TUBA3C: variants seen among roughly 807,000 people sequenced by gnomAD.
The protein encoded by TUBA3C is tubulin alpha 3c, also known as tubulin alpha-3C chain.
Under a neutral mutation model 33.4 loss-of-function variants are expected in TUBA3C, and 23 were observed. That is an observed-to-expected ratio of 0.69 (90% CI 0.50 to 0.98). The LOEUF (loss-of-function observed/expected upper bound fraction) is 0.98. Ranked by LOEUF, TUBA3C falls within the 50% of genes least tolerant of loss-of-function variation. The pLI, the probability that TUBA3C is intolerant of heterozygous loss-of-function variation, is 0.00. For synonymous variants in TUBA3C, 269 were observed against 250.4 expected (o/e 1.07, Z -0.70); for missense variants, 402 against 616.0 (o/e 0.65, Z 3.68).
chr13:19,181,647 G>C, intron 1 of TUBA3C, 98 bp downstream of exon 1: 1 of 1,556,494 alleles, frequency 6.4e-7, no homozygotes, highest in Non-Finnish European at 8.7e-7. Flanking sequence ...TCTGCACCCT[G>C]GCCCGCAACA....
At chr13:19,178,423 T>C (rs1289087958) in intron 2 of TUBA3C, 29 bp from the exon 3 acceptor site, 2 of 1,613,146 alleles carry the variant, frequency 1.2e-6, no homozygotes. Context: ...GTACTGTGAA[T>C]CTTTAAGGCC....
intron 2 of TUBA3C, 116 bp from the exon 3 acceptor site, chr13:19,178,510 A>G (rs965513736): frequency 1.4e-5 from 19 of 1,404,296 alleles, no homozygotes; most frequent in Non-Finnish European, 1.8e-5. Context: ...CATGACCTAC[A>G]TGTTGTAGGT....
intron 4 of TUBA3C, among the ~76,000 whole-genome samples, chr13:19,176,224 G>C (rs1224848719): frequency 1.3e-5 from 2 of 152,132 alleles, no homozygotes; most frequent in African/African-American, 2.4e-5. Context: ...TTTGAGACCA[G>C]CTTGGCCAAC....
At position 19,179,323 on chromosome 13, in the gene TUBA3C, C is replaced by A. The variant is rs1869312607; in HGVS notation, c.226+18G>T. ...CCACCCTCCTAAGAAAGCTGCCATC[C>A]AGGACCCGAGCACCTACCGACCACA... On this transcript the variant is annotated intron_variant, in intron 2 of 4. Transcript: ENST00000400113. 1 of 1,613,520 alleles carries A rather than the reference C, an allele frequency of 6.2e-7. No homozygotes were observed. Among genetic ancestry groups the A allele is most frequent in the Non-Finnish European group, 8.5e-7 (1 of 1,179,518 alleles).
rs748370652 is a variant in TUBA3C, at chr13:19,179,326, G to A, written c.226+15C>T. The A allele has an allele frequency of 6.2e-7, 1 of 1,613,606 alleles. No individual in the cohort carries two copies. The highest frequency in any genetic ancestry group is 2.2e-5 in the East Asian group (1 of 44,862). ...CCCTCCTAAGAAAGCTGCCATCCAGGACCCGAGCACCTACCGACCACAGTG... is the reference window on the plus strand; with the variant it reads ...CCCTCCTAAGAAAGCTGCCATCCAGAACCCGAGCACCTACCGACCACAGTG... On this transcript the variant is annotated intron_variant, in intron 2 of 4. Transcript: ENST00000400113.
intron 4 of TUBA3C, among the ~76,000 whole-genome samples, chr13:19,175,582 G>T (rs1227067553): frequency 6.6e-6 from 1 of 152,162 alleles, no homozygotes; most frequent in Non-Finnish European, 1.5e-5. Context: ...TCCTTCAGGG[G>T]TTAGCACAGC....
intron 4 of TUBA3C, among the ~76,000 whole-genome samples, chr13:19,175,064 T>C (rs867777390): frequency 3.9e-5 from 6 of 152,010 alleles, no homozygotes; most frequent in African/African-American, 1.4e-4. Context: ...CTAGCTAACA[T>C]GGTGAAACCC....
intron 4 of TUBA3C, among the ~76,000 whole-genome samples, chr13:19,176,426 A>T (rs1869180491): frequency 6.6e-6 from 1 of 151,926 alleles, no homozygotes. Flanking sequence ...AGCTCATCAC[A>T]GATACATAGT....
intron 4 of TUBA3C, 118 bp downstream of exon 4, chr13:19,176,809 G>T: frequency 1.9e-6 from 2 of 1,029,916 alleles, no homozygotes; most frequent in Non-Finnish European, 2.7e-6. Context: ...ATGCCCACAT[G>T]CCTAGCCCAT....
chr13:19,174,242 C>A (rs905311228), intron 4 of TUBA3C, 83 bp from the exon 5 acceptor site: 19 of 1,504,548 alleles, frequency 1.3e-5, no homozygotes, highest in Non-Finnish European at 1.6e-5. Flanking sequence ...AAAGAAGACA[C>A]CCTGTAGGTG....
At chr13:19,176,303 C>T (rs201946140) in intron 4 of TUBA3C, among the ~76,000 whole-genome samples, 4 of 151,922 alleles carry the variant, frequency 2.6e-5, no homozygotes, top group African/African-American at 9.7e-5. Flanking sequence ...GTGGTCCCAG[C>T]TACTCAGGAG....
intron 3 of TUBA3C, 60 bp downstream of exon 3, chr13:19,178,186 A>G: frequency 1.3e-6 from 2 of 1,595,120 alleles, no homozygotes; most frequent in Middle Eastern, 1.7e-4. Flanking sequence ...CCTCCCCTTC[A>G]CAATCTAAGA....
intron 4 of TUBA3C, among the ~76,000 whole-genome samples, chr13:19,174,605 T>A (rs1869118848): frequency 6.6e-6 from 1 of 152,072 alleles, no homozygotes; most frequent in Admixed American, 6.5e-5. Flanking sequence ...TACTATAAAC[T>A]GCTTCACAAC....
chr13:19,173,877 C>T lies in TUBA3C; in HGVS notation c.1339G>A (p.Gly447Ser), dbSNP rs1451980724. ...VDSVEAEAEE[G>S]EEY ...ACACCCTCCCCTCAGTATTCTTCACCTTCTTCAGCCTCGGCTTCCACGGAA... is the reference window on the plus strand; with the variant it reads ...ACACCCTCCCCTCAGTATTCTTCACTTTCTTCAGCCTCGGCTTCCACGGAA... The change falls in exon 5 of 5, where the codon GGT becomes AGT. Residue 447 changes from glycine (G) to serine (S), a missense_variant. Coordinates refer to ENST00000400113, the MANE Select transcript of TUBA3C (RefSeq NM_006001.3). 1 of 1,613,430 alleles carries T rather than the reference C, an allele frequency of 6.2e-7. No homozygotes were observed. The highest frequency in any genetic ancestry group is 8.5e-7 in the Non-Finnish European group (1 of 1,179,602).
chr13:19,177,118 C>A lies in TUBA3C; in HGVS notation c.865G>T (p.Ala289Ser). ...TCGAAGCAGGCATTGGTGATCTCAGCCACGGACAGCTGCTCGTGGTAGGCC... is the reference window on the plus strand; with the variant it reads ...TCGAAGCAGGCATTGGTGATCTCAGACACGGACAGCTGCTCGTGGTAGGCC... ...EKAYHEQLSVAEITNACFEPA... is the reference protein window; with the variant it reads ...EKAYHEQLSVSEITNACFEPA... The change falls in exon 4 of 5, where the codon GCT becomes TCT. Residue 289 changes from alanine to serine, a missense_variant. Ala to Ser is a moderately conservative substitution (Grantham distance 99). Coordinates refer to ENST00000400113, the MANE Select transcript of TUBA3C (RefSeq NM_006001.3). The surrounding 1 kb of genome is among the most constrained non-coding windows in gnomAD (Gnocchi z 5.0). The A allele has an allele frequency of 6.2e-7, 1 of 1,614,132 alleles. No individual in the cohort carries two copies. Among genetic ancestry groups the A allele is most frequent in the Non-Finnish European group, 8.5e-7 (1 of 1,180,036 alleles).
rs1486793465 is a variant in TUBA3C at position 19,178,291 on chromosome 13, G to T, written c.330C>A (p.Ile110=). Reference sequence around the variant, plus strand: ...GGACCAGGTCGACGATCTCCTTGCCGATGGTGTAATGGCCTCTGGCGTAAT... The same window carrying T: ...GGACCAGGTCGACGATCTCCTTGCCTATGGTGTAATGGCCTCTGGCGTAAT... ...ANNYARGHYT[I]GKEIVDLVLD... Residue 110 remains isoleucine (I), a synonymous_variant, in exon 3 of 5, where the codon ATC becomes ATA. Coordinates refer to ENST00000400113, the MANE Select transcript of TUBA3C (RefSeq NM_006001.3). The T allele has an allele frequency of 1.2e-6, 2 of 1,614,060 alleles. No homozygotes were observed. Among genetic ancestry groups the T allele is most frequent in the Non-Finnish European group, 8.5e-7 (1 of 1,180,036 alleles).
At chr13:19,178,479 A>G in intron 2 of TUBA3C, 85 bp from the exon 3 acceptor site, 1 of 1,551,404 alleles carries the variant, frequency 6.4e-7, no homozygotes. Context: ...CACTTCTACA[A>G]AGTACATGCT....
intron 4 of TUBA3C, among the ~76,000 whole-genome samples, chr13:19,175,246 C>T (rs1476173725): frequency 5.3e-5 from 8 of 151,884 alleles, no homozygotes; most frequent in South Asian, 2.1e-4. Flanking sequence ...AGCAAGACTC[C>T]GTCTCAAAAA....
rs1171436852 is a variant in TUBA3C, at chr13:19,177,438, A to C, written c.545T>G (p.Val182Gly). The change falls in exon 4 of 5, where the codon GTG (valine) becomes GGG (glycine). Residue 182 changes from valine (V) to glycine (G), a missense_variant. Physicochemically the swap from Val to Gly is moderately radical, Grantham distance 109. Coordinates refer to ENST00000400113, the MANE Select transcript of TUBA3C (RefSeq NM_006001.3). The surrounding 1 kb of genome is among the most constrained non-coding windows in gnomAD (Gnocchi z 5.0). ...YPAPQVSTAVVEPYNSILTTH... is the reference protein window; with the variant it reads ...YPAPQVSTAVGEPYNSILTTH... ...GGTCAGGATGGAGTTGTAGGGCTCC[A>C]CCACGGCCGTGGAGACCTGGGGGGC... 6.2e-7 allele frequency: 1 copy of C among 1,614,064 alleles called. No homozygotes were observed. The highest frequency in any genetic ancestry group is 1.1e-5 in the South Asian group (1 of 91,058).
Sources: allele counts gnomAD v4.1 joint callset (sites outside exome capture counted in the v4.1 genomes callset), GRCh38; gene constraint gnomAD v4.1.1; non-coding constraint Gnocchi (gnomAD v3.1); transcripts MANE v1.5; gene names NCBI Gene and HGNC (gene_info 2026-07-23, HGNC 2026-07-21).